The following RGS12 variants were observed in gnomAD, a reference collection of about 807,000 sequenced individuals.
RGS12 encodes regulator of G protein signaling 12, also known as regulator of G-protein signaling 12.
RGS12 carries 66 observed loss-of-function variants against 120.1 expected under a neutral mutation model. The ratio of observed to expected loss-of-function variants is 0.55; its 90% CI spans 0.45 to 0.67. The LOEUF (loss-of-function observed/expected upper bound fraction) is 0.67. RGS12 is among the 30% of genes least tolerant of loss of function. The pLI is 0.00. For synonymous variants in RGS12, 827 were observed against 804.7 expected, an observed-to-expected ratio of 1.03 and a Z score of -0.47; for missense variants, 1,859 against 1,957.7, an observed-to-expected ratio of 0.95 and a Z score of 0.95.
At chr4:3,431,383 G>T in intron 17 of RGS12, 1 of 1,028,494 alleles carries the variant, frequency 9.7e-7, no homozygotes, top group Non-Finnish European at 1.2e-6. Flanking sequence ...AGTGAAGCCC[G>T]CTGTGTTCAT....
intron 2 of RGS12, chr4:3,324,386 A>T: frequency 4.9e-6 from 1 of 205,760 alleles, no homozygotes. Flanking sequence ...TCCATCTCTT[A>T]GTGGGGATGT....
chr4:3,384,765 G>A (rs905591536), intron 3 of RGS12, among the ~76,000 whole-genome samples: 2 of 152,234 alleles, frequency 1.3e-5, no homozygotes, highest in African/African-American at 4.8e-5. Flanking sequence ...CTCACACAGT[G>A]CCTGTCAGGG....
chr4:3,326,447 A>G (rs1371473647), intron 2 of RGS12, among the ~76,000 whole-genome samples: 1 of 152,120 alleles, frequency 6.6e-6, no homozygotes, highest in Non-Finnish European at 1.5e-5. Context: ...GGAGTCTCAC[A>G]GTGTAGCCCA....
chr4:3,294,832 C>T (rs986179818), intron 1 of RGS12, among the ~76,000 whole-genome samples: 1 of 152,192 alleles, frequency 6.6e-6, no homozygotes, highest in African/African-American at 2.4e-5. Context: ...AGCGACAGGG[C>T]AGTGGTGACC....
rs962991450 is a variant in RGS12 at position 3,414,019 on chromosome 4, C to T, written c.2021-53C>T. ...CTCCTGTGGGCGGGCAGAGCAGTCA[C>T]TGGGCCGGGGCGGAGGGCAGGGGTG... On this transcript the variant is annotated intron_variant, in intron 4 of 17. Coordinates refer to ENST00000336727, the MANE Select transcript of RGS12 (RefSeq NM_001394154.1). 2.3e-5 allele frequency: 34 copies of T among 1,476,272 alleles called. No homozygotes were observed. The African/African-American group carries it at 3.3e-4, about 14-fold the overall frequency. The allele number at this position is 1,476,272 out of a possible 1,614,324, so 91.4% of individuals were successfully genotyped here.
intron 3 of RGS12, chr4:3,370,247 A>C (rs188377633): frequency 3.1e-6 from 5 of 1,613,666 alleles, no homozygotes; most frequent in African/African-American, 1.3e-5. Flanking sequence ...CCGGGTGCCT[A>C]GTGTGGCTCG....
the RGS12 span, among the ~76,000 whole-genome samples, chr4:3,286,958 C>G: frequency 7.2e-5 from 11 of 152,238 alleles, no homozygotes; most frequent in East Asian, 1.9e-3. Flanking sequence ...GGGGAGGCCT[C>G]GGGGACCTGG....
chr4:3,333,685 T>C (rs926539308), intron 2 of RGS12, among the ~76,000 whole-genome samples: 2 of 152,206 alleles, frequency 1.3e-5, no homozygotes, highest in Non-Finnish European at 2.9e-5. Context: ...CTGTGTTCCT[T>C]CCTAGTCAGT....
chr4:3,339,941 A>G (rs1046330846), intron 2 of RGS12, among the ~76,000 whole-genome samples: 1 of 152,234 alleles, frequency 6.6e-6, no homozygotes, highest in African/African-American at 2.4e-5. Flanking sequence ...GACAGCCTTA[A>G]TCTCACAAAG....
At chr4:3,342,096 A>G (rs1487283764) in intron 2 of RGS12, among the ~76,000 whole-genome samples, 2 of 151,876 alleles carry the variant, frequency 1.3e-5, no homozygotes, top group African/African-American at 2.4e-5. Context: ...GGGACTCTCA[A>G]GGAATTGTGG....
At position 3,420,702 on chromosome 4, in the gene RGS12, C is replaced by A; in HGVS notation, c.2822C>A (p.Ala941Glu). 1 of 1,612,602 alleles carries A rather than the reference C, an allele frequency of 6.2e-7. No homozygotes were observed. Among genetic ancestry groups the A allele is most frequent in the Non-Finnish European group, 8.5e-7 (1 of 1,179,962 alleles). ...GAGTCGCAGGGCTCTGTGTCCTCTG[C>A]GGGGAGCCTGGACCTGGTGAGTCAC... ...RRESQGSVSS[A>E]GSLDLSEACR... The change falls in exon 10 of 18, where the codon GCG (alanine) becomes GAG (glutamate). Residue 941 changes from alanine to glutamate, a missense_variant. By Grantham distance (107) the Ala-to-Glu change is moderately radical (BLOSUM62 -1). This residue lies in a region of RGS12 where 375 missense variants were observed against 475.0 expected (regional missense o/e 0.79). Transcript: ENST00000336727.
At chr4:3,423,225 C>CT (rs1406238982) in intron 12 of RGS12, among the ~76,000 whole-genome samples, 2 of 152,196 alleles carry the variant, frequency 1.3e-5, no homozygotes, top group African/African-American at 4.8e-5. Flanking sequence ...GCCCAGCCCC[C>CT]TAAGATGCCG....
intron 17 of RGS12, among the ~76,000 whole-genome samples, chr4:3,435,684 C>G (rs973080109): frequency 2.0e-5 from 3 of 152,134 alleles, no homozygotes; most frequent in African/African-American, 7.2e-5. Context: ...AGCCCCCAGC[C>G]TGGTTGTGAC....
chr4:3,368,135 G>A (rs1260920473), intron 3 of RGS12, among the ~76,000 whole-genome samples: 1 of 152,162 alleles, frequency 6.6e-6, no homozygotes, highest in African/African-American at 2.4e-5. Context: ...GCCCTGGGGG[G>A]CCAGGATGCT....
At chr4:3,354,591 T>C (rs1241096094) in intron 3 of RGS12, among the ~76,000 whole-genome samples, 1 of 152,244 alleles carries the variant, frequency 6.6e-6, no homozygotes, top group African/African-American at 2.4e-5. Flanking sequence ...GCAGGTACAC[T>C]GTAAACCAAC....
chr4:3,362,864 CGAGGGTGTGTGTGTGT>C (rs1715833629), intron 3 of RGS12, among the ~76,000 whole-genome samples: 1 of 111,658 alleles, frequency 9.0e-6, no homozygotes, highest in African/African-American at 3.9e-5. Flanking sequence ...TGTGTGTGTG[CGAGGGTGTGTGTGTGT>C]GAGAGCATGT....
chr4:3,319,431 A>G (rs920206667), intron 2 of RGS12, among the ~76,000 whole-genome samples: 11 of 152,060 alleles, frequency 7.2e-5, no homozygotes, highest in African/African-American at 2.4e-4. Context: ...GATTTTCAAC[A>G]TCCTCTTTAT....
At chr4:3,362,214 G>A (rs962279691) in intron 3 of RGS12, among the ~76,000 whole-genome samples, 3 of 152,168 alleles carry the variant, frequency 2.0e-5, no homozygotes, top group African/African-American at 7.2e-5. Context: ...GGGTGTGGGT[G>A]GGGTTCCAGA....
the RGS12 span, among the ~76,000 whole-genome samples, chr4:3,286,728 C>T: frequency 6.6e-6 from 1 of 152,198 alleles, no homozygotes; most frequent in Non-Finnish European, 1.5e-5. Flanking sequence ...GGGAAAGGCT[C>T]AGCGGGAACG....
Sources: gnomAD v4.1 joint callset for allele counts (sites outside exome capture counted in the v4.1 genomes callset) on GRCh38, gnomAD v4.1.1 for gene constraint, gnomAD v4.1.1 regional missense constraint, MANE v1.5 for transcripts, NCBI Gene and HGNC (gene_info 2026-07-23, HGNC 2026-07-21) for gene names.